The following DNAAF9 variants were observed in gnomAD, a reference collection of about 807,000 sequenced individuals.
The protein encoded by DNAAF9 is dynein axonemal assembly factor 9, also known as shulin.
In DNAAF9, 90 loss-of-function variants were observed where a neutral mutation model predicts 167.0. The ratio of observed to expected loss-of-function variants is 0.54; its 90% confidence interval spans 0.45 to 0.64. The LOEUF (loss-of-function observed/expected upper bound fraction) is 0.64. Among genes scored for constraint, DNAAF9 ranks in the 30% least tolerant of loss-of-function variants. The pLI, the probability that DNAAF9 is intolerant of heterozygous loss-of-function variation, is 0.00. For synonymous variants in DNAAF9, 491 were observed against 508.8 expected, an observed-to-expected ratio of 0.96 and a Z score of 0.47; for missense variants, 1,315 against 1,442.2, an observed-to-expected ratio of 0.91 and a Z score of 1.43.
intron 7 of DNAAF9, among the ~76,000 whole-genome samples, chr20:3,353,633 ACCACC>A (rs1477534692): frequency 0.013 from 892 of 68,826 alleles, 10 homozygotes; most frequent in African/African-American, 0.031. Context: ...GTCCCCCCGC[ACCACC>A]CCCCCCCCCG....
chr20:3,303,529 TTAATC>T (rs1263537003), intron 21 of DNAAF9, among the ~76,000 whole-genome samples: 2 of 152,238 alleles, frequency 1.3e-5, no homozygotes, highest in African/African-American at 2.4e-5. Flanking sequence ...GGAAGACTCT[TTAATC>T]TAACAGCAAC....
chr20:3,402,651 C>T (rs932331214), intron 1 of DNAAF9, among the ~76,000 whole-genome samples: 2 of 151,958 alleles, frequency 1.3e-5, no homozygotes, highest in South Asian at 2.1e-4. Flanking sequence ...GAACGCAGCT[C>T]GCTGTAGCCT....
intron 20 of DNAAF9, among the ~76,000 whole-genome samples, chr20:3,307,617 T>C (rs1476706446): frequency 6.6e-6 from 1 of 152,104 alleles, no homozygotes; most frequent in Non-Finnish European, 1.5e-5. Context: ...ATGAACTCTG[T>C]CCTTCCTTCT....
At chr20:3,267,790 G>A (rs2295380) in intron 30 of DNAAF9, among the ~76,000 whole-genome samples, 29,978 of 151,944 alleles carry the variant, frequency 0.2, 3,785 homozygotes, top group South Asian at 0.4. Context: ...AGCTGAGATC[G>A]TGTCACGGCA....
chr20:3,312,693 T>C (rs1449993881), intron 20 of DNAAF9, among the ~76,000 whole-genome samples: 1 of 152,132 alleles, frequency 6.6e-6, no homozygotes, highest in Non-Finnish European at 1.5e-5. Flanking sequence ...AGAAGAGCCC[T>C]AATCATTTTG....
intron 9 of DNAAF9, among the ~76,000 whole-genome samples, chr20:3,342,591 C>T (rs545183998): frequency 6.6e-6 from 1 of 152,268 alleles, no homozygotes; most frequent in South Asian, 2.1e-4. Context: ...CATTTCTTTT[C>T]ACTACTCTTA....
At chr20:3,332,901 GT>G (rs1174800903) in intron 10 of DNAAF9, among the ~76,000 whole-genome samples, 10 of 24,598 alleles carry the variant, frequency 4.1e-4, no homozygotes, top group African/African-American at 1.9e-3. Flanking sequence ...TGTGCGTGTG[GT>G]GTGTGTGTGT....
chr20:3,293,666 CAAA>C (rs71195830), intron 25 of DNAAF9, among the ~76,000 whole-genome samples: 18,158 of 85,474 alleles, frequency 0.21, 952 homozygotes, highest in Non-Finnish European at 0.23. Flanking sequence ...GCCTGGGTGA[CAAA>C]AAAAAAAAAA....
intron 30 of DNAAF9, among the ~76,000 whole-genome samples, chr20:3,269,854 A>C (rs1258198215): frequency 1.3e-5 from 2 of 151,572 alleles, no homozygotes; most frequent in African/African-American, 2.4e-5. Context: ...GCTACTCAGG[A>C]GGCTGAGGCA....
intron 14 of DNAAF9, 71 bp from the exon 15 acceptor site, chr20:3,322,767 T>C: frequency 9.0e-7 from 1 of 1,106,348 alleles, no homozygotes; most frequent in South Asian, 1.2e-5. Context: ...GCAGGGTACC[T>C]GCTTGGGATT....
intron 10 of DNAAF9, among the ~76,000 whole-genome samples, chr20:3,337,392 C>G (rs2069980243): frequency 1.3e-5 from 2 of 149,888 alleles, no homozygotes. Flanking sequence ...GCCTCCCAAG[C>G]AGCCGGGACT....
chr20:3,281,910 C>T (rs1689695704), intron 27 of DNAAF9, 144 bp from the exon 28 acceptor site: 2 of 669,882 alleles, frequency 3.0e-6, no homozygotes, highest in Non-Finnish European at 5.0e-6. Context: ...GGTGTCACTC[C>T]ACTTCATGAC....
intron 33 of DNAAF9, 97 bp from the exon 34 acceptor site, chr20:3,256,308 G>T: frequency 1.1e-6 from 1 of 895,106 alleles, no homozygotes; most frequent in Non-Finnish European, 1.8e-6. Flanking sequence ...ATAGATTCAT[G>T]AGAAAATGCA....
At chr20:3,390,225 A>G (rs1364685508) in intron 1 of DNAAF9, among the ~76,000 whole-genome samples, 1 of 152,186 alleles carries the variant, frequency 6.6e-6, no homozygotes, top group East Asian at 1.9e-4. Flanking sequence ...GAAATGTCAC[A>G]ATGTCTGCAG....
rs557861791 is a variant in DNAAF9, at chr20:3,387,884, TAAAAAA to T, written c.84-5384_84-5379del. On this transcript the variant is annotated intron_variant, in intron 1 of 36. Coordinates refer to ENST00000252032, the MANE Select transcript of DNAAF9 (RefSeq NM_001009984.3). ...AGGGAGACCCTGTCTCTACAAAAAG[TAAAAAA>T]AAAAAAAAAAAAAAAAAAAAAAAAA... 1.3e-4 allele frequency among the ~76,000 whole-genome samples: 11 copies of T among 87,368 alleles called. No individual in the cohort carries two copies. In the East Asian group the frequency reaches 3.4e-3, roughly 27 times the overall value. The allele number at this position is 87,368 out of a possible 152,430, so 57.3% of individuals were successfully genotyped here.
chr20:3,398,128 C>T (rs1328797772), intron 1 of DNAAF9, among the ~76,000 whole-genome samples: 1 of 152,174 alleles, frequency 6.6e-6, no homozygotes, highest in East Asian at 1.9e-4. Flanking sequence ...AGAGAAATGG[C>T]CTCCAGGATC....
At chr20:3,348,461 A>G in intron 8 of DNAAF9, 64 bp downstream of exon 8, 1 of 896,788 alleles carries the variant, frequency 1.1e-6, no homozygotes, top group South Asian at 2.0e-5. Context: ...AAATTTAATA[A>G]AAAATTAAAA....
At position 3,319,262 on chromosome 20, in the gene DNAAF9, CA is replaced by C. The variant is rs57727958; in HGVS notation, c.1357-863del. Among the ~76,000 whole-genome samples, 374 of 41,506 alleles carry C rather than the reference CA, an allele frequency of 9.0e-3. 2 individuals are homozygous for C. The highest frequency in any genetic ancestry group is 0.014 in the African/African-American group (210 of 15,060). The allele number at this position is 41,506 out of a possible 152,430, so 27.2% of individuals were successfully genotyped here. A position where few individuals can be genotyped will look rare whatever the true frequency, so the allele number is the denominator to read the frequency against. Reference sequence around the variant, plus strand: ...TGGGCAACGGACCGAGACCCCGTCTCAAAAAAAAAAAAAAAAAAAAAAAAAA... The same window carrying C: ...TGGGCAACGGACCGAGACCCCGTCTCAAAAAAAAAAAAAAAAAAAAAAAAA... On this transcript the variant is annotated intron_variant, in intron 16 of 36. Transcript: ENST00000252032.
intron 12 of DNAAF9, among the ~76,000 whole-genome samples, chr20:3,326,512 G>A (rs546700270): frequency 1.3e-5 from 2 of 152,160 alleles, no homozygotes; most frequent in African/African-American, 4.8e-5. Context: ...TGGGCAGATC[G>A]CTTGAGCCCA....
Sources: gnomAD v4.1 joint callset for allele counts (sites outside exome capture counted in the v4.1 genomes callset) on GRCh38, gnomAD v4.1.1 for gene constraint, MANE v1.5 for transcripts, NCBI Gene and HGNC (gene_info 2026-07-23, HGNC 2026-07-21) for gene names.